Variants in CCDC171 observed in about 807,000 individuals in gnomAD.
CCDC171 encodes coiled-coil domain containing 171, also known as coiled-coil domain-containing protein 171.
A neutral mutation model predicts 168.2 loss-of-function variants in CCDC171; 177 were observed. The observed-to-expected ratio is 1.05, with a 90% CI of 0.93 to 1.19. The LOEUF is 1.19. Ranked by LOEUF, CCDC171 falls within the 50% of genes most tolerant of loss-of-function variation. CCDC171 has a pLI of 0.00. For synonymous variants in CCDC171, 687 were observed against 540.8 expected (o/e 1.27, Z -3.75); for missense variants, 1,991 against 1,539.0 (o/e 1.29, Z -4.91).
chr9:15,722,295 A>T (rs1472922300), intron 12 of CCDC171, among the ~76,000 whole-genome samples: 2 of 152,238 alleles, frequency 1.3e-5, no homozygotes, highest in Non-Finnish European at 2.9e-5. Context: ...GGAAGTCTTA[A>T]TAAAAAAGAG....
chr9:15,566,589 T>C (rs917506025), intron 2 of CCDC171, among the ~76,000 whole-genome samples: 1 of 152,154 alleles, frequency 6.6e-6, no homozygotes, highest in Non-Finnish European at 1.5e-5. Context: ...ATAAGATATA[T>C]GATATGCAAA....
intron 3 of CCDC171, among the ~76,000 whole-genome samples, chr9:15,572,667 G>A (rs1421012220): frequency 6.6e-6 from 1 of 152,134 alleles, no homozygotes; most frequent in African/African-American, 2.4e-5. Flanking sequence ...CTCTCTAAGT[G>A]AAACTGGCTA....
chr9:15,787,924 A>T (rs2058052765), intron 21 of CCDC171, among the ~76,000 whole-genome samples: 1 of 152,324 alleles, frequency 6.6e-6, no homozygotes, highest in Admixed American at 6.5e-5. Flanking sequence ...CTATTAATAG[A>T]TAATGTAATG....
chr9:15,674,600 C>G (rs552201903), intron 9 of CCDC171, among the ~76,000 whole-genome samples: 11 of 152,166 alleles, frequency 7.2e-5, no homozygotes, highest in Non-Finnish European at 1.6e-4. Flanking sequence ...TTTATTTCTG[C>G]CTTCATTTTG....
chr9:16,051,380 G>A lies in CCDC171; in HGVS notation n.89+8494G>A, dbSNP rs143391160. On this transcript the variant is annotated intron_variant and non_coding_transcript_variant, in intron 1 of 1. Transcript: ENST00000478913. ...TTGGTTTTGCCCCCTGTGCTGGGAG[G>A]AGTCCCAGGCTATCCTCTCTCTCCC... is the stretch of plus-strand genomic sequence containing the variant. Among the ~76,000 whole-genome samples the A allele has an allele frequency of 1.0e-3, 158 of 152,236 alleles. 1 individual carries two copies. The highest frequency in any genetic ancestry group is 3.4e-3 in the Middle Eastern group (1 of 294).
the CCDC171 span, among the ~76,000 whole-genome samples, chr9:16,095,293 G>C: frequency 6.6e-6 from 1 of 152,104 alleles, no homozygotes; most frequent in African/African-American, 2.4e-5. Context: ...GGGCTGCTTT[G>C]CAGAACCTAC....
chr9:15,925,668 T>G (rs1314583716), intron 25 of CCDC171, among the ~76,000 whole-genome samples: 8 of 151,642 alleles, frequency 5.3e-5, no homozygotes, highest in Non-Finnish European at 1.2e-4. Context: ...GGATCAATGG[T>G]CTCATTTACT....
the CCDC171 span, among the ~76,000 whole-genome samples, chr9:16,107,156 A>G: frequency 6.6e-6 from 1 of 151,994 alleles, no homozygotes; most frequent in African/African-American, 2.4e-5. Context: ...CTCATATATG[A>G]ATTTTCTTTT....
intron 18 of CCDC171, among the ~76,000 whole-genome samples, chr9:15,760,784 A>T (rs570115109): frequency 6.6e-6 from 1 of 152,146 alleles, no homozygotes; most frequent in Non-Finnish European, 1.5e-5. Flanking sequence ...TTGATGATGA[A>T]CTTATAGAGA....
chr9:16,067,580 G>T, the CCDC171 span, among the ~76,000 whole-genome samples: 2 of 152,136 alleles, frequency 1.3e-5, no homozygotes, highest in Non-Finnish European at 1.5e-5. Context: ...TTCTTCTCTG[G>T]TTTTTATGGT....
intron 18 of CCDC171, among the ~76,000 whole-genome samples, chr9:15,775,150 A>G (rs562875302): frequency 3.9e-5 from 6 of 152,338 alleles, no homozygotes; most frequent in Non-Finnish European, 8.8e-5. Flanking sequence ...CTATATTGTA[A>G]AAACACTTCT....
intron 23 of CCDC171, among the ~76,000 whole-genome samples, chr9:15,852,462 T>C (rs1344615607): frequency 2.0e-5 from 3 of 151,798 alleles, no homozygotes; most frequent in African/African-American, 7.2e-5. Context: ...AAGAGTTCTT[T>C]GCATATTCTG....
downstream of CCDC171, among the ~76,000 whole-genome samples, chr9:16,062,815 A>G (rs905476225): frequency 6.6e-6 from 1 of 152,176 alleles, no homozygotes; most frequent in Admixed American, 6.5e-5. Flanking sequence ...GTGAGGGACG[A>G]ATTAATTGTA....
rs555395372 is a variant in CCDC171, at chr9:15,699,149, G to A, written c.1318+3812G>A. ...TTCCTTCTGGTGTTCAGATGTGTTC[G>A]GAGTTTCTTCCTTCTGGTGGGTTCT... On this transcript the variant is annotated intron_variant, in intron 11 of 25. Coordinates refer to ENST00000380701, the MANE Select transcript of CCDC171 (RefSeq NM_173550.4). Among the ~76,000 whole-genome samples, 5 of 152,084 alleles carry A rather than the reference G, an allele frequency of 3.3e-5. No individual in the cohort carries two copies. In the East Asian group the frequency reaches 5.8e-4, roughly 18 times the overall value.
At chr9:15,621,862 A>G (rs1282232187) in intron 6 of CCDC171, among the ~76,000 whole-genome samples, 2 of 152,254 alleles carry the variant, frequency 1.3e-5, no homozygotes, top group Admixed American at 6.5e-5. Context: ...TCACAATAGC[A>G]AAGACATGGA....
In CCDC171 at chr9:15,699,869, G is replaced by C. The variant is rs552644468; in HGVS notation, c.1318+4532G>C. Among the ~76,000 whole-genome samples, 227 of 152,224 alleles carry C rather than the reference G, an allele frequency of 1.5e-3. 2 individuals are homozygous for C. The highest frequency in any genetic ancestry group is 2.8e-3 in the Non-Finnish European group (189 of 68,024). On this transcript the variant is annotated intron_variant, in intron 11 of 25. Transcript: ENST00000380701. ...CTAGACACAGGGTGCTGATTGGTGT[G>C]TTTACACACCTTGAGCTAGATACAG...
intron 11 of CCDC171, among the ~76,000 whole-genome samples, chr9:15,700,609 T>C (rs916295179): frequency 6.6e-6 from 1 of 152,202 alleles, no homozygotes; most frequent in Admixed American, 6.5e-5. Flanking sequence ...CCTCTCAATA[T>C]GGTAGCTTTA....
chr9:15,855,808 A>C (rs1313631607), intron 23 of CCDC171, among the ~76,000 whole-genome samples: 1 of 151,894 alleles, frequency 6.6e-6, no homozygotes, highest in African/African-American at 2.4e-5. Flanking sequence ...ATGTTTAAAA[A>C]ATTTTGCTCT....
intron 1 of CCDC171, among the ~76,000 whole-genome samples, chr9:16,052,206 A>G (rs1010037911): frequency 1.1e-4 from 16 of 152,178 alleles, no homozygotes; most frequent in African/African-American, 3.9e-4. Flanking sequence ...TCTTTGTCTC[A>G]GTCCAAGTAC....
Sources: allele counts gnomAD v4.1 joint callset (sites outside exome capture counted in the v4.1 genomes callset), GRCh38; gene constraint gnomAD v4.1.1; transcripts MANE v1.5; gene names NCBI Gene and HGNC (gene_info 2026-07-23, HGNC 2026-07-21).